Variants in RHCE observed in about 807,000 individuals in gnomAD.
RHCE encodes blood group Rh(CE) polypeptide.
In RHCE, 22 loss-of-function variants were observed where a neutral mutation model predicts 43.8. The ratio of observed to expected loss-of-function variants is 0.50; its 90% CI spans 0.36 to 0.72. The LOEUF (loss-of-function observed/expected upper bound fraction) is 0.72, where lower values mean the gene tolerates loss of function less well. Ranked by LOEUF, RHCE falls within the 30% of genes least tolerant of loss-of-function variation. The probability of loss-of-function intolerance (pLI) is 0.00; values close to 1 mark genes in which losing one functional copy is unlikely to be tolerated. For synonymous variants in RHCE, 156 were observed against 210.7 expected, an observed-to-expected ratio of 0.74 and a Z score of 2.25; for missense variants, 385 against 525.4, an observed-to-expected ratio of 0.73 and a Z score of 2.61.
intron 7 of RHCE, among the ~76,000 whole-genome samples, chr1:25,385,281 G>A (rs1475110889): frequency 6.6e-6 from 1 of 152,202 alleles, no homozygotes; most frequent in African/African-American, 2.4e-5. Flanking sequence ...AGCCCTGTGA[G>A]GGGAGATAGT....
intron 2 of RHCE, among the ~76,000 whole-genome samples, chr1:25,403,666 T>C (rs1050744099): frequency 1.3e-5 from 2 of 151,806 alleles, no homozygotes; most frequent in African/African-American, 4.8e-5. Flanking sequence ...CTGACTGGAC[T>C]TATCAGGGAG....
Position 25,389,112 on chromosome 1 carries a change from G to T in RHCE, c.803C>A (p.Thr268Asn), listed in dbSNP as rs2124414832. Residue 268 changes from threonine (T) to asparagine (N), a missense_variant and splice_region_variant, in exon 6 of 10, where the codon ACT becomes AAT. Coordinates refer to ENST00000294413, the MANE Select transcript of RHCE (RefSeq NM_020485.8). The stretch of plus-strand genomic sequence containing the variant: ...TGCCAACACCGCACTGTGCACATAA[G>T]TCTGCAAAGAAATAGCGTGTGGGTA... ...LAHPQRKISM[T>N]YVHSAVLAGG... is the part of the protein sequence containing the mutation. 1.2e-6 allele frequency: 2 copies of T among 1,613,970 alleles called. No individual in the cohort carries two copies. The highest frequency in any genetic ancestry group is 4.5e-5 in the East Asian group (2 of 44,886).
At chr1:25,402,794 C>T (rs754315984) in intron 2 of RHCE, 48 bp from the exon 3 acceptor site, 1 of 1,606,810 alleles carries the variant, frequency 6.2e-7, no homozygotes, top group Non-Finnish European at 8.5e-7. Flanking sequence ...AAGGATGCCT[C>T]TCACTCATTC....
intron 1 of RHCE, among the ~76,000 whole-genome samples, chr1:25,414,862 G>C (rs1204170045): frequency 6.6e-6 from 1 of 152,150 alleles, no homozygotes; most frequent in Non-Finnish European, 1.5e-5. Context: ...GAACTGCCCA[G>C]CTGAACCCAG....
intron 7 of RHCE, among the ~76,000 whole-genome samples, chr1:25,379,491 ATATATTTTTTTTTTTTTTT>A (rs1295748333): frequency 5.5e-5 from 1 of 18,292 alleles, no homozygotes; most frequent in Non-Finnish European, 7.6e-5. Flanking sequence ...ATATATATAT[ATATATTTTTTTTTTTTTTT>A]TTTTTTTTTT....
Position 25,392,095 on chromosome 1 carries a change from T to G in RHCE, c.533A>C (p.Tyr178Ser), listed in dbSNP as rs764256566. ...NLRHFYVFAAYFGLTVAWCLP... is the reference protein window; with the variant it reads ...NLRHFYVFAASFGLTVAWCLP... ...GCACCAGGCCACAGTCAGCCCAAAA[T>G]AGGCTGCGAACACGTAGAAGTGCCT... is the stretch of plus-strand genomic sequence containing the variant. Residue 178 changes from tyrosine to serine, a missense_variant, in exon 4 of 10, where the codon TAT becomes TCT. Physicochemically the swap from Tyr to Ser is moderately radical, Grantham distance 144. Transcript: ENST00000294413. 1.9e-6 allele frequency: 3 copies of G among 1,614,014 alleles called. No homozygotes were observed. Among genetic ancestry groups the G allele is most frequent in the Admixed American group, 1.7e-5 (1 of 60,010 alleles).
chr1:25,398,736 A>C lies in RHCE; in HGVS notation c.486+3860T>G, dbSNP rs182293136. On this transcript the variant is annotated intron_variant, in intron 3 of 9. Transcript: ENST00000294413. ...CAGGAACGAGATGGCGGTTCTCTGGAGGCTGAGTGCCGTTTGCGGTGCCCA... is the reference window on the plus strand; with the variant it reads ...CAGGAACGAGATGGCGGTTCTCTGGCGGCTGAGTGCCGTTTGCGGTGCCCA... 985 of 1,601,068 alleles carry C rather than the reference A, an allele frequency of 6.2e-4. 38 individuals carry two copies. In the African/African-American group the frequency reaches 0.011, roughly 19 times the overall value.
chr1:25,406,687 A>G (rs1280678820), intron 2 of RHCE, among the ~76,000 whole-genome samples: 1 of 102,896 alleles, frequency 9.7e-6, no homozygotes, highest in African/African-American at 3.0e-5. Flanking sequence ...GTGCAGTGGC[A>G]CGATCTCGGC....
At chr1:25,397,485 G>A (rs1352273573) in intron 3 of RHCE, among the ~76,000 whole-genome samples, 1 of 146,724 alleles carries the variant, frequency 6.8e-6, no homozygotes, top group East Asian at 2.1e-4. Context: ...TGACAACAGC[G>A]AAACTCCATC....
chr1:25,372,764 T>C (rs1296382358), intron 8 of RHCE, among the ~76,000 whole-genome samples: 2 of 151,772 alleles, frequency 1.3e-5, no homozygotes, highest in Non-Finnish European at 2.9e-5. Context: ...GGTGCAATTT[T>C]GGCTTCTTGA....
chr1:25,362,634 G>A lies in RHCE; in HGVS notation c.1228-81C>T, dbSNP rs1422570673. 13 of 866,728 alleles carry A rather than the reference G, an allele frequency of 1.5e-5. No individual in the cohort carries two copies. The East Asian group carries it at 3.3e-4, about 22-fold the overall frequency. 53.7% of individuals were successfully genotyped at this position (866,728 alleles called of 1,614,324 possible). A position where few individuals can be genotyped will look rare whatever the true frequency, so the allele number is the denominator to read the frequency against. On this transcript the variant is annotated intron_variant, in intron 9 of 9. Coordinates refer to ENST00000294413, the MANE Select transcript of RHCE (RefSeq NM_020485.8). ...CTTGATCTCTTGAAACAGCCTAAAT[G>A]TCTCATTACAAAGACCTTAGAAATT...
intron 3 of RHCE, among the ~76,000 whole-genome samples, chr1:25,394,029 G>A (rs1011160165): frequency 3.3e-5 from 5 of 152,012 alleles, no homozygotes; most frequent in South Asian, 2.1e-4. Context: ...TCGCTCTGTC[G>A]CCAGGCTGGA....
At chr1:25,371,648 C>T (rs1254029085) in intron 8 of RHCE, among the ~76,000 whole-genome samples, 1 of 151,622 alleles carries the variant, frequency 6.6e-6, no homozygotes, top group Non-Finnish European at 1.5e-5. Context: ...GCTGCAATTA[C>T]AGGTGTGAGC....
chr1:25,428,355 T>C (rs764329493), intron 2 of RHCE, among the ~76,000 whole-genome samples: 3 of 152,250 alleles, frequency 2.0e-5, no homozygotes, highest in Admixed American at 1.3e-4. Flanking sequence ...AGCTTCCATT[T>C]TGATTTGGTT....
chr1:25,369,389 C>T (rs1037798471), intron 9 of RHCE, among the ~76,000 whole-genome samples: 2 of 151,776 alleles, frequency 1.3e-5, no homozygotes, highest in Admixed American at 1.3e-4. Context: ...TGTGACAATA[C>T]TGGTCCCTGC....
In RHCE at chr1:25,371,171, C is replaced by T. The variant is rs919034051; in HGVS notation, c.1154-631G>A. ...TTCCCCAGACGGAGTAGAAGGGCCC[C>T]ACGAAAGCTGATCCATGTAAGACAT... On this transcript the variant is annotated intron_variant, in intron 8 of 9. Transcript: ENST00000294413. 1.3e-4 allele frequency among the ~76,000 whole-genome samples: 20 copies of T among 151,014 alleles called. No individual in the cohort carries two copies. In the South Asian group the frequency reaches 2.5e-3, roughly 19 times the overall value.
upstream of RHCE, among the ~76,000 whole-genome samples, chr1:25,424,976 T>G (rs28532198): frequency 6.6e-6 from 1 of 151,638 alleles, no homozygotes; most frequent in Admixed American, 6.6e-5. Context: ...GCCACCACAC[T>G]GCGCTAATTT....
intron 7 of RHCE, among the ~76,000 whole-genome samples, chr1:25,375,789 CTCTT>C (rs1352775459): frequency 1.2e-4 from 16 of 138,652 alleles, no homozygotes; most frequent in South Asian, 2.1e-4. Context: ...TTCTCTCTCT[CTCTT>C]TTTTTTTTTT....
At position 25,379,713 on chromosome 1, in the gene RHCE, T is replaced by C. The variant is rs542757451; in HGVS notation, c.1074-4285A>G. ...TTGTAGAGACAGAGTCTCACTCTGT[T>C]GCCCTGGCTGGAATGCAGTGGCACG... On this transcript the variant is annotated intron_variant, in intron 7 of 9. Transcript: ENST00000294413. Among the ~76,000 whole-genome samples the C allele has an allele frequency of 1.9e-4, 28 of 147,998 alleles. No individual in the cohort carries two copies. In the South Asian group the frequency reaches 5.6e-3, roughly 30 times the overall value.
Sources: allele counts gnomAD v4.1 joint callset (sites outside exome capture counted in the v4.1 genomes callset), GRCh38; gene constraint gnomAD v4.1.1; transcripts MANE v1.5; gene names NCBI Gene and HGNC (gene_info 2026-07-23, HGNC 2026-07-21).